The following TTPA variants were observed in gnomAD, a reference collection of about 807,000 sequenced individuals.
TTPA encodes the protein alpha tocopherol transfer protein, also known as alpha-tocopherol transfer protein.
In TTPA, 23 loss-of-function variants were observed where a neutral mutation model predicts 25.9. The observed-to-expected ratio is 0.89, with a 90% CI of 0.64 to 1.26. The LOEUF (loss-of-function observed/expected upper bound fraction) is 1.26. Ranked by LOEUF, TTPA falls within the 50% of genes most tolerant of loss-of-function variation. TTPA has a pLI of 0.00. For missense variants in TTPA, 337 were observed against 353.1 expected, an observed-to-expected ratio of 0.95 and a Z score of 0.37; for synonymous variants, 148 against 137.3, an observed-to-expected ratio of 1.08 and a Z score of -0.54.
chr8:63,086,034 T>C lies in TTPA; in HGVS notation c.-13A>G. 5.7e-6 allele frequency: 8 copies of C among 1,405,816 alleles called. No individual in the cohort carries two copies. Among genetic ancestry groups the C allele is most frequent in the Non-Finnish European group, 7.4e-6 (8 of 1,080,036 alleles). The allele number at this position is 1,405,816 out of a possible 1,614,324, so 87.1% of individuals were successfully genotyped here. On this transcript the variant is annotated 5_prime_UTR_variant, in exon 1 of 5. Coordinates refer to ENST00000260116, the MANE Select transcript of TTPA (RefSeq NM_000370.3). ...GCGCCTCTGCCATGCCCGCCGCCGC[T>C]GCTGCGGCCGCAGCTACCCGGGCAC... is the stretch of plus-strand genomic sequence containing the variant.
chr8:63,079,628 A>C (rs1026551613), intron 1 of TTPA, among the ~76,000 whole-genome samples: 1 of 152,208 alleles, frequency 6.6e-6, no homozygotes, highest in African/African-American at 2.4e-5. Context: ...AGAGCTAACT[A>C]TCCTAAATAC....
rs191981179 is a variant in TTPA at position 63,060,969 on chromosome 8, A to G, written c.*283T>C. On this transcript the variant is annotated 3_prime_UTR_variant, in exon 5 of 5. Coordinates refer to ENST00000260116, the MANE Select transcript of TTPA (RefSeq NM_000370.3). Reference sequence around the variant, plus strand: ...CATACAAAGATGCACATGAGCAGCTACTTTAGCAATAACTTTCATGTTCTC... The same window carrying G: ...CATACAAAGATGCACATGAGCAGCTGCTTTAGCAATAACTTTCATGTTCTC... The G allele has an allele frequency of 1.7e-4, 54 of 315,562 alleles. No homozygotes were observed. The highest frequency in any genetic ancestry group is 9.7e-4 in the African/African-American group (46 of 47,188). 19.5% of individuals were successfully genotyped at this position (315,562 alleles called of 1,614,324 possible). A position where few individuals can be genotyped will look rare whatever the true frequency, so the allele number is the denominator to read the frequency against.
At chr8:63,080,740 T>G (rs1004916568) in intron 1 of TTPA, among the ~76,000 whole-genome samples, 12 of 138,898 alleles carry the variant, frequency 8.6e-5, no homozygotes, top group African/African-American at 2.8e-5. Context: ...AAAAAATAAA[T>G]AATAATAATA....
intron 1 of TTPA, among the ~76,000 whole-genome samples, chr8:63,081,841 C>A (rs1805668879): frequency 6.6e-6 from 1 of 152,094 alleles, no homozygotes; most frequent in Non-Finnish European, 1.5e-5. Context: ...TTCCTATACA[C>A]CAATAACGGA....
rs553250578 is a variant in TTPA, at chr8:63,062,967, G to T, written c.663+1239C>A. On this transcript the variant is annotated intron_variant, in intron 4 of 4. Transcript: ENST00000260116. ...AAAGTGGCCATTTTTGCTAAAGCAG[G>T]CAATTTAAGGGTGGTTCTTGAAGAC... 3.3e-4 allele frequency among the ~76,000 whole-genome samples: 50 copies of T among 152,242 alleles called. 1 individual carries two copies. Among genetic ancestry groups the T allele is most frequent in the African/African-American group, 1.1e-3 (47 of 41,560 alleles).
At chr8:63,061,512 A>G (rs1805306209) in intron 4 of TTPA, 87 bp from the exon 5 acceptor site, 1 of 1,198,586 alleles carries the variant, frequency 8.3e-7, no homozygotes, top group African/African-American at 1.5e-5. Context: ...GTATTCTAAT[A>G]ACTTCTAAAA....
At position 63,085,943 on chromosome 8, in the gene TTPA, C is replaced by T. The variant is rs936373434; in HGVS notation, c.79G>A (p.Gly27Ser). The change falls in exon 1 of 5, where the codon GGC becomes AGC. Residue 27 changes from glycine (G) to serine (S), a missense_variant. Physicochemically the swap from Gly to Ser is moderately conservative, Grantham distance 56 (BLOSUM62 0). Coordinates refer to ENST00000260116, the MANE Select transcript of TTPA (RefSeq NM_000370.3). The stretch of plus-strand genomic sequence containing the variant: ...GCCCGGCGCCGCAGCGCCGCCAGGC[C>T]CGGCTGCAGCAACGGAGAGTGGTCC... The part of the protein sequence containing the change: ...LPDHSPLLQP[G>S]LAALRRRARE... 2 of 1,521,222 alleles carry T rather than the reference C, an allele frequency of 1.3e-6. No individual in the cohort carries two copies. Among genetic ancestry groups the T allele is most frequent in the Non-Finnish European group, 1.8e-6 (2 of 1,142,102 alleles). 94.2% of individuals were successfully genotyped at this position (1,521,222 alleles called of 1,614,324 possible).
intron 2 of TTPA, among the ~76,000 whole-genome samples, chr8:63,071,682 T>C (rs1468442194): frequency 1.3e-5 from 2 of 152,152 alleles, no homozygotes; most frequent in Non-Finnish European, 1.5e-5. Context: ...GATGAGGTCA[T>C]GAGGATGGAA....
At chr8:63,080,052 A>G (rs1805635451) in intron 1 of TTPA, among the ~76,000 whole-genome samples, 1 of 152,208 alleles carries the variant, frequency 6.6e-6, no homozygotes, top group Non-Finnish European at 1.5e-5. Context: ...AAACTGAACC[A>G]CCTGCTCCTG....
Position 63,086,047 on chromosome 8 carries a change from G to A in TTPA, c.-26C>T. 7.2e-7 allele frequency: 1 copy of A among 1,393,054 alleles called. No individual in the cohort carries two copies. The highest frequency in any genetic ancestry group is 1.5e-5 in the South Asian group (1 of 64,936). 86.3% of individuals were successfully genotyped at this position (1,393,054 alleles called of 1,614,324 possible). The stretch of plus-strand genomic sequence containing the variant: ...GCCCGCCGCCGCTGCTGCGGCCGCA[G>A]CTACCCGGGCACCCGGGAAAAGCGC... On this transcript the variant is annotated 5_prime_UTR_variant, in exon 1 of 5. Transcript: ENST00000260116.
chr8:63,059,024 T>TTTC, downstream of TTPA, among the ~76,000 whole-genome samples: 1 of 96,032 alleles, frequency 1.0e-5, no homozygotes, highest in Admixed American at 1.2e-4. Flanking sequence ...GGTCCAGTTT[T>TTTC]TTTTTTTTTT....
At chr8:63,059,214 A>G (rs1387872169), downstream of TTPA, among the ~76,000 whole-genome samples, 1 of 147,644 alleles carries the variant, frequency 6.8e-6, no homozygotes, top group African/African-American at 2.5e-5. Context: ...TTGTATTTTT[A>G]GTAGAGACGG....
At chr8:63,067,187 T>A (rs1038879966) in intron 2 of TTPA, among the ~76,000 whole-genome samples, 1 of 152,084 alleles carries the variant, frequency 6.6e-6, no homozygotes, top group East Asian at 1.9e-4. Context: ...AAAGATAAGT[T>A]TTTTAAAAAA....
intron 1 of TTPA, among the ~76,000 whole-genome samples, chr8:63,080,566 A>G (rs1805644628): frequency 6.6e-6 from 1 of 151,790 alleles, no homozygotes; most frequent in South Asian, 2.1e-4. Context: ...CTAAAAATAC[A>G]GAAAAATTAG....
At chr8:63,079,167 G>A (rs993562418) in intron 1 of TTPA, among the ~76,000 whole-genome samples, 1 of 152,256 alleles carries the variant, frequency 6.6e-6, no homozygotes, top group African/African-American at 2.4e-5. Flanking sequence ...TGCCTTACAA[G>A]AGCTCCTGAA....
At chr8:63,080,062 G>A (rs1474081783) in intron 1 of TTPA, among the ~76,000 whole-genome samples, 1 of 152,192 alleles carries the variant, frequency 6.6e-6, no homozygotes, top group African/African-American at 2.4e-5. Context: ...ACCTGCTCCT[G>A]AATGACTACT....
downstream of TTPA, among the ~76,000 whole-genome samples, chr8:63,059,128 T>A (rs1440807442): frequency 7.3e-6 from 1 of 137,710 alleles, no homozygotes; most frequent in East Asian, 2.3e-4. Flanking sequence ...GCCTCCCGGG[T>A]TCACGCCATT....
intron 2 of TTPA, among the ~76,000 whole-genome samples, chr8:63,071,187 G>A (rs904984972): frequency 1.3e-5 from 2 of 152,190 alleles, no homozygotes; most frequent in Admixed American, 1.3e-4. Flanking sequence ...TTATAGATGG[G>A]ATTTCATGAT....
intron 2 of TTPA, among the ~76,000 whole-genome samples, chr8:63,070,995 A>AGG (rs10645012): frequency 0.48 from 72,948 of 151,916 alleles, 18,116 homozygotes; most frequent in African/African-American, 0.61. Flanking sequence ...TGAAATTCAA[A>AGG]TAACTGGGCA....
Sources: allele counts gnomAD v4.1 joint callset (sites outside exome capture counted in the v4.1 genomes callset), GRCh38; gene constraint gnomAD v4.1.1; transcripts MANE v1.5; gene names NCBI Gene and HGNC (gene_info 2026-07-23, HGNC 2026-07-21).